SUGCT: variants seen among roughly 807,000 people sequenced by gnomAD.
The protein encoded by SUGCT is succinyl-CoA:glutarate CoA-transferase.
In SUGCT, 41 loss-of-function variants were observed where a neutral mutation model predicts 55.0. The observed-to-expected ratio is 0.74, with a 90% CI of 0.58 to 0.97. The LOEUF (loss-of-function observed/expected upper bound fraction) is 0.97. Among genes scored for constraint, SUGCT ranks in the 50% least tolerant of loss-of-function variants. The pLI is 0.00. For missense variants in SUGCT, 568 were observed against 547.8 expected, an observed-to-expected ratio of 1.04 and a Z score of -0.37; for synonymous variants, 187 against 200.4, an observed-to-expected ratio of 0.93 and a Z score of 0.56.
the SUGCT span, among the ~76,000 whole-genome samples, chr7:40,900,350 T>C: frequency 2.0e-5 from 3 of 152,364 alleles, no homozygotes; most frequent in South Asian, 2.1e-4. Context: ...TTTCTTCATG[T>C]TGGACAGGTG....
At chr7:41,022,450 T>C in the SUGCT span, among the ~76,000 whole-genome samples, 1 of 152,188 alleles carries the variant, frequency 6.6e-6, no homozygotes, top group South Asian at 2.1e-4. Flanking sequence ...AGAAACATCT[T>C]AAGAGTGTAA....
In SUGCT at chr7:40,285,451, T is replaced by TTTTA. The variant is rs769625314; in HGVS notation, c.720+10814_720+10817dup. Among the ~76,000 whole-genome samples, 11 of 150,552 alleles carry TTTTA rather than the reference T, an allele frequency of 7.3e-5. No homozygotes were observed. The East Asian group carries it at 1.4e-3, about 19-fold the overall frequency. The stretch of plus-strand genomic sequence containing the variant: ...CTTTCTCAGGTCAGGGAATTTTAAA[T>TTTTA]TTTATTTATTTATTTATTTATTCTT... On this transcript the variant is annotated intron_variant, in intron 8 of 13. Transcript: ENST00000335693.
At chr7:40,824,488 A>G (rs1792211140) in intron 13 of SUGCT, among the ~76,000 whole-genome samples, 2 of 152,202 alleles carry the variant, frequency 1.3e-5, no homozygotes, top group Non-Finnish European at 1.5e-5. Flanking sequence ...TGGTTGAGGT[A>G]GGAAATAAGC....
chr7:40,955,181 A>C, the SUGCT span, among the ~76,000 whole-genome samples: 3 of 152,212 alleles, frequency 2.0e-5, no homozygotes, highest in Non-Finnish European at 4.4e-5. Context: ...GAAGAAAGTC[A>C]ATAGTAGCTT....
chr7:40,403,653 C>T (rs9690724), intron 9 of SUGCT, among the ~76,000 whole-genome samples: 86,609 of 151,998 alleles, frequency 0.57, 24,907 homozygotes, highest in South Asian at 0.65. Flanking sequence ...GAACACAGGA[C>T]AGAGTAATTA....
At chr7:40,383,459 T>C (rs1475542797) in intron 9 of SUGCT, among the ~76,000 whole-genome samples, 1 of 152,226 alleles carries the variant, frequency 6.6e-6, no homozygotes, top group Non-Finnish European at 1.5e-5. Flanking sequence ...TATTCAGTTA[T>C]TTATTTTTTC....
At chr7:40,545,213 C>T (rs1389180811) in intron 12 of SUGCT, among the ~76,000 whole-genome samples, 2 of 152,188 alleles carry the variant, frequency 1.3e-5, no homozygotes, top group East Asian at 3.8e-4. Context: ...TAAACCTCAA[C>T]TGATAGCATG....
the SUGCT span, among the ~76,000 whole-genome samples, chr7:40,936,495 C>T: frequency 6.6e-6 from 1 of 151,646 alleles, no homozygotes; most frequent in Non-Finnish European, 1.5e-5. Context: ...TATTCTTGGT[C>T]AGGTCTGGCT....
At chr7:40,201,013 TAGTC>T (rs1419072437) in intron 6 of SUGCT, among the ~76,000 whole-genome samples, 1 of 152,150 alleles carries the variant, frequency 6.6e-6, no homozygotes, top group Non-Finnish European at 1.5e-5. Flanking sequence ...CGGCATGAGT[TAGTC>T]TGTGTGTGTG....
chr7:41,031,982 T>C, the SUGCT span, among the ~76,000 whole-genome samples: 1 of 151,874 alleles, frequency 6.6e-6, no homozygotes, highest in Non-Finnish European at 1.5e-5. Flanking sequence ...GCCCAGTATC[T>C]AGTAGGGTCT....
intron 7 of SUGCT, among the ~76,000 whole-genome samples, chr7:40,242,933 ATTTTTTTT>A (rs70996894): frequency 1.2e-4 from 2 of 17,212 alleles, no homozygotes; most frequent in African/African-American, 3.0e-4. Flanking sequence ...ATATATATAT[ATTTTTTTT>A]TTTTTTTTTT....
intron 1 of SUGCT, among the ~76,000 whole-genome samples, chr7:40,144,427 A>AG (rs1452542178): frequency 5.3e-5 from 8 of 151,970 alleles, no homozygotes; most frequent in Non-Finnish European, 4.4e-5. Flanking sequence ...ATGACTCTGG[A>AG]GGGGGCGGCG....
intron 12 of SUGCT, among the ~76,000 whole-genome samples, chr7:40,679,116 T>C (rs1312354872): frequency 2.6e-5 from 4 of 152,224 alleles, no homozygotes; most frequent in African/African-American, 2.4e-5. Context: ...CATATTCTTA[T>C]GCCTCATTCT....
intron 9 of SUGCT, among the ~76,000 whole-genome samples, chr7:40,437,820 G>T (rs946267625): frequency 6.6e-6 from 1 of 152,034 alleles, no homozygotes; most frequent in Non-Finnish European, 1.5e-5. Context: ...TTTAGCAATG[G>T]TTACCTTTTG....
At chr7:40,334,087 C>A (rs1036916755) in intron 9 of SUGCT, among the ~76,000 whole-genome samples, 8 of 151,958 alleles carry the variant, frequency 5.3e-5, no homozygotes, top group African/African-American at 1.7e-4. Flanking sequence ...TGAACTCATC[C>A]TTTTTTATGG....
chr7:40,980,499 T>C, the SUGCT span, among the ~76,000 whole-genome samples: 1 of 152,200 alleles, frequency 6.6e-6, no homozygotes. Context: ...AAATCAGATA[T>C]GGATGAGACT....
At chr7:40,669,476 C>G (rs1374951237) in intron 12 of SUGCT, among the ~76,000 whole-genome samples, 1 of 151,018 alleles carries the variant, frequency 6.6e-6, no homozygotes, top group African/African-American at 2.4e-5. Context: ...TTTAAAGCAG[C>G]CATAATTAAA....
At chr7:40,769,873 A>G (rs1554417392) in intron 13 of SUGCT, among the ~76,000 whole-genome samples, 1 of 152,176 alleles carries the variant, frequency 6.6e-6, no homozygotes, top group Non-Finnish European at 1.5e-5. Context: ...CCAAATGTAC[A>G]CACCAATGCA....
intron 12 of SUGCT, among the ~76,000 whole-genome samples, chr7:40,639,337 T>A (rs1214008997): frequency 6.6e-6 from 1 of 152,108 alleles, no homozygotes; most frequent in Non-Finnish European, 1.5e-5. Context: ...AGAGGAAGTA[T>A]AACACAGAAG....
Sources: gnomAD v4.1 joint callset for allele counts (sites outside exome capture counted in the v4.1 genomes callset) on GRCh38, gnomAD v4.1.1 for gene constraint, MANE v1.5 for transcripts, NCBI Gene and HGNC (gene_info 2026-07-23, HGNC 2026-07-21) for gene names.